COL5A2: variants seen among roughly 807,000 people sequenced by gnomAD.
COL5A2 encodes the protein collagen alpha-2(V) chain.
A neutral mutation model predicts 208.2 loss-of-function variants in COL5A2; 23 were observed. That is an observed-to-expected ratio of 0.11 (90% CI 0.08 to 0.16). The LOEUF is 0.16. Among genes scored for constraint, COL5A2 ranks in the 10% least tolerant of loss-of-function variants. The pLI is 1.00. For synonymous variants in COL5A2, 625 were observed against 628.5 expected (o/e 0.99, Z 0.08); for missense variants, 1,590 against 1,956.4 (o/e 0.81, Z 3.53).
chr2:189,313,311 G>A, the COL5A2 span, among the ~76,000 whole-genome samples: 2 of 152,066 alleles, frequency 1.3e-5, no homozygotes, highest in South Asian at 2.1e-4. Context: ...CCATGAGAAC[G>A]TTCCCAACCT....
chr2:189,269,399 T>G, the COL5A2 span, among the ~76,000 whole-genome samples: 1 of 152,152 alleles, frequency 6.6e-6, no homozygotes, highest in East Asian at 1.9e-4. Context: ...CTTATTATTT[T>G]GAGATACATT....
intron 47 of COL5A2, among the ~76,000 whole-genome samples, chr2:189,044,768 C>G (rs532387352): frequency 1.5e-4 from 23 of 152,058 alleles, no homozygotes; most frequent in African/African-American, 5.5e-4. Context: ...GCAAATAGCA[C>G]AAAGATCAGA....
chr2:189,271,921 A>G, the COL5A2 span, among the ~76,000 whole-genome samples: 1 of 152,230 alleles, frequency 6.6e-6, no homozygotes, highest in African/African-American at 2.4e-5. Context: ...GCTCATCATC[A>G]CTGGTCGTTA....
chr2:189,381,252 G>A, the COL5A2 span, among the ~76,000 whole-genome samples: 6 of 152,072 alleles, frequency 3.9e-5, 1 homozygote, highest in East Asian at 1.2e-3. Flanking sequence ...AATGCAGAAA[G>A]CTTTTAGGAA....
At chr2:189,291,945 G>C in the COL5A2 span, among the ~76,000 whole-genome samples, 3 of 152,220 alleles carry the variant, frequency 2.0e-5, no homozygotes, top group South Asian at 2.1e-4. Flanking sequence ...TATAAAAATA[G>C]AGAGTCTAAT....
At chr2:189,324,892 C>T in the COL5A2 span, among the ~76,000 whole-genome samples, 1 of 152,216 alleles carries the variant, frequency 6.6e-6, no homozygotes, top group African/African-American at 2.4e-5. Flanking sequence ...GCACTACTCA[C>T]AATAGCAAAG....
chr2:189,384,481 T>C, the COL5A2 span, among the ~76,000 whole-genome samples: 1 of 152,158 alleles, frequency 6.6e-6, no homozygotes, highest in Non-Finnish European at 1.5e-5. Context: ...GAATGTAGTT[T>C]TGATGTGCAC....
intron 18 of COL5A2, among the ~76,000 whole-genome samples, chr2:189,070,780 G>C (rs964578207): frequency 6.6e-6 from 1 of 152,156 alleles, no homozygotes; most frequent in Non-Finnish European, 1.5e-5. Flanking sequence ...GGTATATAGA[G>C]AGTCTGGGCC....
chr2:189,330,366 G>A, the COL5A2 span, among the ~76,000 whole-genome samples: 1 of 152,144 alleles, frequency 6.6e-6, no homozygotes, highest in East Asian at 1.9e-4. Context: ...ACATAGGGTA[G>A]GTAGAGCAAT....
intron 1 of COL5A2, among the ~76,000 whole-genome samples, chr2:189,187,924 G>A (rs568827041): frequency 8.7e-5 from 13 of 149,610 alleles, no homozygotes; most frequent in Non-Finnish European, 1.5e-4. Flanking sequence ...AACCAAGATC[G>A]CGCCACTGCA....
chr2:189,363,516 T>C, the COL5A2 span, among the ~76,000 whole-genome samples: 2 of 152,204 alleles, frequency 1.3e-5, no homozygotes, highest in Non-Finnish European at 2.9e-5. Context: ...CCCTATTTGA[T>C]TATGATATAT....
chr2:189,435,925 G>T, the COL5A2 span, among the ~76,000 whole-genome samples: 2 of 152,084 alleles, frequency 1.3e-5, no homozygotes, highest in African/African-American at 4.8e-5. Context: ...CTTGGAACCA[G>T]CCCAAATGTC....
At chr2:189,200,607 T>C (rs1350457694) in intron 1 of COL5A2, among the ~76,000 whole-genome samples, 1 of 144,380 alleles carries the variant, frequency 6.9e-6, no homozygotes, top group Admixed American at 7.1e-5. Context: ...CCCAAAATAA[T>C]AAAATATACT....
At chr2:189,175,574 C>T (rs1469184778) in intron 1 of COL5A2, among the ~76,000 whole-genome samples, 2 of 140,552 alleles carry the variant, frequency 1.4e-5, no homozygotes, top group African/African-American at 5.2e-5. Flanking sequence ...GACAGAGTCT[C>T]ACTCTGTCAC....
chr2:189,434,726 A>G, the COL5A2 span, among the ~76,000 whole-genome samples: 1 of 152,196 alleles, frequency 6.6e-6, no homozygotes, highest in African/African-American at 2.4e-5. Context: ...AGGAAGAATC[A>G]ATATTGTGAA....
At chr2:189,218,503 A>G (rs1689306818) in intron 1 of COL5A2, among the ~76,000 whole-genome samples, 1 of 152,192 alleles carries the variant, frequency 6.6e-6, no homozygotes, top group Non-Finnish European at 1.5e-5. Context: ...GGCCCTGCCA[A>G]CACCTTGATA....
At chr2:189,158,652 C>T (rs183501841) in intron 1 of COL5A2, among the ~76,000 whole-genome samples, 2 of 151,990 alleles carry the variant, frequency 1.3e-5, no homozygotes, top group Non-Finnish European at 2.9e-5. Context: ...TTTCTTCATC[C>T]TTCCTTGGAT....
intron 7 of COL5A2, 46 bp from the exon 8 acceptor site, chr2:189,088,818 C>T (rs1285018855): frequency 2.9e-6 from 4 of 1,399,140 alleles, no homozygotes; most frequent in Non-Finnish European, 3.0e-6. Context: ...AAAAGACATA[C>T]ATCAACGTCC....
the COL5A2 span, among the ~76,000 whole-genome samples, chr2:189,238,915 G>C: frequency 6.6e-6 from 1 of 152,018 alleles, no homozygotes; most frequent in Non-Finnish European, 1.5e-5. Context: ...ATAATCAGAG[G>C]TCAGGTTTTA....
Sources: allele counts gnomAD v4.1 joint callset (sites outside exome capture counted in the v4.1 genomes callset), GRCh38; gene constraint gnomAD v4.1.1; transcripts MANE v1.5; gene names NCBI Gene and HGNC (gene_info 2026-07-23, HGNC 2026-07-21).